The following TNRC6B variants were observed in gnomAD, a reference collection of about 807,000 sequenced individuals.
TNRC6B encodes trinucleotide repeat-containing gene 6B protein.
In TNRC6B, 52 loss-of-function variants were observed where a neutral mutation model predicts 203.6. The ratio of observed to expected loss-of-function variants is 0.26; its 90% CI spans 0.20 to 0.32. The LOEUF (loss-of-function observed/expected upper bound fraction) is 0.32. Ranked by LOEUF, TNRC6B falls within the 10% of genes least tolerant of loss-of-function variation. TNRC6B has a pLI of 1.00. For missense variants in TNRC6B, 1,923 were observed against 2,286.2 expected (o/e 0.84, Z 3.24); for synonymous variants, 838 against 845.7 (o/e 0.99, Z 0.16).
At position 40,065,053 on chromosome 22, in the gene TNRC6B, A is replaced by G. The variant is rs1312818179; in HGVS notation, c.-121+20055A>G. 5.9e-5 allele frequency among the ~76,000 whole-genome samples: 9 copies of G among 151,584 alleles called. No homozygotes were observed. In the South Asian group the frequency reaches 1.9e-3, roughly 31 times the overall value. ...TGTGTTTTTTCTTGTGTCTTTTTCT[A>G]ATGAGGGTAATACTGGTCTCATAGA... is the stretch of plus-strand genomic sequence containing the variant. On this transcript the variant is annotated intron_variant, in intron 1 of 23. Transcript: ENST00000301923.
intron 1 of TNRC6B, among the ~76,000 whole-genome samples, chr22:40,061,167 T>A (rs939608463): frequency 1.3e-5 from 2 of 152,188 alleles, no homozygotes; most frequent in Non-Finnish European, 2.9e-5. Context: ...TCTATCTAGG[T>A]AAATATTATT....
At chr22:40,075,514 AT>A (rs2068005505) in intron 1 of TNRC6B, among the ~76,000 whole-genome samples, 3 of 151,510 alleles carry the variant, frequency 2.0e-5, no homozygotes, top group African/African-American at 4.8e-5. Flanking sequence ...TCGTGTCTTT[AT>A]TTTTTTAATG....
chr22:40,239,435 G>A (rs1234264976), intron 1 of TNRC6B, among the ~76,000 whole-genome samples: 1 of 152,140 alleles, frequency 6.6e-6, no homozygotes, highest in Non-Finnish European at 1.5e-5. Context: ...ACAAGAGACG[G>A]GGCAATAGTT....
intron 1 of TNRC6B, among the ~76,000 whole-genome samples, chr22:40,056,812 AAAG>A (rs1447035965): frequency 1.3e-4 from 20 of 148,272 alleles, no homozygotes; most frequent in African/African-American, 4.2e-4. Context: ...AAAAAAAAAA[AAAG>A]AAAGAAAAAT....
intron 1 of TNRC6B, among the ~76,000 whole-genome samples, chr22:40,202,255 T>G (rs866401249): frequency 2.6e-4 from 39 of 147,198 alleles, no homozygotes; most frequent in African/African-American, 8.0e-4. Context: ...TGTTGTTGTT[T>G]TTTTGTTTTT....
upstream of TNRC6B, among the ~76,000 whole-genome samples, chr22:40,174,779 A>G (rs898169662): frequency 1.3e-5 from 2 of 151,322 alleles, no homozygotes; most frequent in Non-Finnish European, 2.9e-5. Context: ...AAGCCGAGAT[A>G]GCACCACTGC....
At chr22:40,166,967 A>G (rs2068925782) in intron 4 of TNRC6B, among the ~76,000 whole-genome samples, 1 of 152,086 alleles carries the variant, frequency 6.6e-6, no homozygotes, top group South Asian at 2.1e-4. Context: ...TATATGCACT[A>G]TGAAATTGCC....
chr22:40,227,889 T>C (rs2069813706), intron 1 of TNRC6B, among the ~76,000 whole-genome samples: 1 of 152,224 alleles, frequency 6.6e-6, no homozygotes, highest in African/African-American at 2.4e-5. Flanking sequence ...TCCTGAATAA[T>C]ATGTGCCTCA....
intron 4 of TNRC6B, among the ~76,000 whole-genome samples, chr22:40,164,254 G>T (rs895480398): frequency 6.6e-6 from 1 of 151,238 alleles, no homozygotes; most frequent in East Asian, 1.9e-4. Flanking sequence ...CAGGTGTGGT[G>T]GTGGGCTCCT....
chr22:40,222,362 CTT>C (rs1334051285), intron 1 of TNRC6B, among the ~76,000 whole-genome samples: 1 of 152,142 alleles, frequency 6.6e-6, no homozygotes. Flanking sequence ...ATTTGAAGGC[CTT>C]ACTAGGACCA....
chr22:40,303,875 C>A (rs972899850), intron 15 of TNRC6B, among the ~76,000 whole-genome samples: 11 of 152,210 alleles, frequency 7.2e-5, no homozygotes, highest in Admixed American at 3.3e-4. Flanking sequence ...CATGCCACTG[C>A]ACTCCAGCCT....
chr22:40,072,945 G>T (rs2146281857), intron 1 of TNRC6B, among the ~76,000 whole-genome samples: 1 of 144,070 alleles, frequency 6.9e-6, no homozygotes, highest in South Asian at 2.2e-4. Context: ...CAAAAGATCA[G>T]AAATCACTTT....
At chr22:40,181,337 G>A (rs1391135894) in intron 1 of TNRC6B, among the ~76,000 whole-genome samples, 2 of 152,026 alleles carry the variant, frequency 1.3e-5, no homozygotes, top group African/African-American at 2.4e-5. Context: ...AGGAATAAGG[G>A]TGGTCCTCAC....
intron 1 of TNRC6B, among the ~76,000 whole-genome samples, chr22:40,085,910 G>C (rs562682013): frequency 6.6e-6 from 1 of 151,878 alleles, no homozygotes; most frequent in Admixed American, 6.6e-5. Flanking sequence ...TTGTTCTATT[G>C]TCCAGTCTGT....
chr22:40,278,215 A>C (rs767903299), intron 9 of TNRC6B, among the ~76,000 whole-genome samples, 171 bp downstream of exon 9: 7 of 152,144 alleles, frequency 4.6e-5, no homozygotes, highest in Non-Finnish European at 1.0e-4. Context: ...AACTCACATG[A>C]CTACAGGAGT....
chr22:40,164,292 G>T (rs2068898044), intron 4 of TNRC6B, among the ~76,000 whole-genome samples: 1 of 150,814 alleles, frequency 6.6e-6, no homozygotes, highest in Non-Finnish European at 1.5e-5. Flanking sequence ...GGAGGCTGAG[G>T]CAGGAGAATC....
At chr22:40,314,490 TG>T (rs975121091) in intron 19 of TNRC6B, among the ~76,000 whole-genome samples, 1 of 152,130 alleles carries the variant, frequency 6.6e-6, no homozygotes, top group Non-Finnish European at 1.5e-5. Context: ...CAACCAAAAT[TG>T]GGGGGGAACA....
chr22:40,319,166 C>T (rs2146575964), intron 21 of TNRC6B, among the ~76,000 whole-genome samples: 1 of 151,824 alleles, frequency 6.6e-6, no homozygotes, highest in South Asian at 2.1e-4. Context: ...TGAAAGCTTC[C>T]TAAAAGCAGA....
rs745531674 is a variant in TNRC6B, at chr22:40,334,791, TCTC to T, written c.*11558_*11560del. 3 of 152,424 alleles carry T rather than the reference TCTC, an allele frequency of 2.0e-5. No homozygotes were observed. The highest frequency in any genetic ancestry group is 4.4e-5 in the Non-Finnish European group (3 of 68,028). The allele number at this position is 152,424 out of a possible 1,614,324, so 9.4% of individuals were successfully genotyped here. A position where few individuals can be genotyped will look rare whatever the true frequency, so the allele number is the denominator to read the frequency against. On this transcript the variant is annotated 3_prime_UTR_variant, in exon 23 of 23. Coordinates refer to ENST00000454349, the MANE Select transcript of TNRC6B (RefSeq NM_001162501.2). ...TTGTGACTTGTGGCTTCCTTCCTCC[TCTC>T]CTCCTCCCTCCACGTCTCTCTTTGC...
Sources: gnomAD v4.1 joint callset for allele counts (sites outside exome capture counted in the v4.1 genomes callset) on GRCh38, gnomAD v4.1.1 for gene constraint, MANE v1.5 for transcripts, NCBI Gene and HGNC (gene_info 2026-07-23, HGNC 2026-07-21) for gene names.